Variants in LARS1 observed in about 807,000 individuals in gnomAD.
LARS1 encodes leucine--tRNA ligase, cytoplasmic.
Under a neutral mutation model 162.8 loss-of-function variants are expected in LARS1, and 100 were observed. The observed-to-expected ratio is 0.61, with a 90% CI of 0.52 to 0.73. LARS1 has a LOEUF of 0.73. Among genes scored for constraint, LARS1 ranks in the 30% least tolerant of loss-of-function variants. The pLI, the probability that LARS1 is intolerant of heterozygous loss-of-function variation, is 0.00. For synonymous variants in LARS1, 457 were observed against 462.8 expected, an observed-to-expected ratio of 0.99 and a Z score of 0.16; for missense variants, 1,258 against 1,408.9, an observed-to-expected ratio of 0.89 and a Z score of 1.71.
intron 7 of LARS1, among the ~76,000 whole-genome samples, chr5:146,159,949 T>C (rs1402285766): frequency 1.3e-5 from 2 of 152,038 alleles, no homozygotes; most frequent in Admixed American, 6.6e-5. Context: ...TTTAGTAAGA[T>C]AATAAAAGCC....
rs764709038 is a variant in LARS1, at chr5:146,168,113, C to G, written c.432+15G>C. ...ATAAAACTTCAACCAACATAAATATCAACCACTATCAAACCTTTTTTCCTT... is the reference window on the plus strand; with the variant it reads ...ATAAAACTTCAACCAACATAAATATGAACCACTATCAAACCTTTTTTCCTT... On this transcript the variant is annotated intron_variant, in intron 5 of 31. Transcript: ENST00000394434. 2 of 1,580,762 alleles carry G rather than the reference C, an allele frequency of 1.3e-6. No individual in the cohort carries two copies. Among genetic ancestry groups the G allele is most frequent in the Non-Finnish European group, 1.7e-6 (2 of 1,158,162 alleles).
chr5:146,113,836 G>GA lies in LARS1; in HGVS notation c.*269dup. 1 of 399,174 alleles carries GA rather than the reference G, an allele frequency of 2.5e-6. No individual in the cohort carries two copies. The highest frequency in any genetic ancestry group is 4.5e-6 in the Non-Finnish European group (1 of 220,452). 24.7% of individuals were successfully genotyped at this position (399,174 alleles called of 1,614,324 possible). Reference sequence around the variant, plus strand: ...ACTTTTATGTTCATCTTAAAAACCAGAAACTTCTAGGAAATAGCAACAATT... The same window carrying GA: ...ACTTTTATGTTCATCTTAAAAACCAGAAAACTTCTAGGAAATAGCAACAATT... On this transcript the variant is annotated 3_prime_UTR_variant, in exon 32 of 32. Transcript: ENST00000394434.
rs1764069087 is a variant in LARS1, at chr5:146,113,553, G to C, written c.*553C>G. ...AGTTGAATAATTAAAGCTTTAAAAA[G>C]TCTTATAAAATGCAGGACCTATTTG... On this transcript the variant is annotated 3_prime_UTR_variant, in exon 32 of 32. Transcript: ENST00000394434. 1 of 152,256 alleles carries C rather than the reference G, an allele frequency of 6.6e-6. No homozygotes were observed. The highest frequency in any genetic ancestry group is 1.5e-5 in the Non-Finnish European group (1 of 68,238). The allele number at this position is 152,256 out of a possible 1,614,324, so 9.4% of individuals were successfully genotyped here. A position where few individuals can be genotyped will look rare whatever the true frequency, so the allele number is the denominator to read the frequency against.
At chr5:146,160,166 C>T (rs1753714546) in intron 7 of LARS1, among the ~76,000 whole-genome samples, 2 of 151,976 alleles carry the variant, frequency 1.3e-5, no homozygotes, top group African/African-American at 4.8e-5. Context: ...TCTCAAGTAG[C>T]TAGGACTACA....
intron 2 of LARS1, among the ~76,000 whole-genome samples, chr5:146,174,602 A>C (rs375029415): frequency 5.8e-5 from 4 of 68,454 alleles, no homozygotes; most frequent in East Asian, 4.4e-4. Flanking sequence ...ATATATATAT[A>C]TATATCCATT....
Position 146,120,557 on chromosome 5 carries a change from G to C in LARS1, c.3193-54C>G, listed in dbSNP as rs543192180. On this transcript the variant is annotated intron_variant, in intron 30 of 31. Transcript: ENST00000394434. The stretch of plus-strand genomic sequence containing the variant: ...TAACTTGAATACTGCTGAGGGAGGA[G>C]GAATCTCTGCTACGTTTTCAATGCC... 27 of 1,552,924 alleles carry C rather than the reference G, an allele frequency of 1.7e-5. No individual in the cohort carries two copies. The Admixed American group carries it at 4.3e-4, about 25-fold the overall frequency.
intron 5 of LARS1, among the ~76,000 whole-genome samples, chr5:146,167,024 C>T (rs933760637): frequency 2.0e-5 from 3 of 152,126 alleles, no homozygotes; most frequent in Admixed American, 1.3e-4. Context: ...CTCAATCTAA[C>T]GATGAGAAAG....
intron 15 of LARS1, among the ~76,000 whole-genome samples, chr5:146,148,151 A>G (rs984886461): frequency 3.9e-5 from 6 of 152,256 alleles, no homozygotes; most frequent in African/African-American, 1.4e-4. Context: ...TTCTCAGAAA[A>G]GCTATCAGAG....
At chr5:146,168,474 G>A (rs1040003407) in intron 4 of LARS1, among the ~76,000 whole-genome samples, 1 of 152,168 alleles carries the variant, frequency 6.6e-6, no homozygotes, top group Admixed American at 6.6e-5. Flanking sequence ...GAGGCAGGCA[G>A]ATCACTTGTC....
At chr5:146,169,732 A>T (rs1252862081) in intron 4 of LARS1, among the ~76,000 whole-genome samples, 1 of 151,954 alleles carries the variant, frequency 6.6e-6, no homozygotes, top group East Asian at 1.9e-4. Flanking sequence ...TATTTTTAGT[A>T]GAGATGGGGT....
At chr5:146,149,984 T>C (rs1753203058) in intron 14 of LARS1, among the ~76,000 whole-genome samples, 1 of 152,180 alleles carries the variant, frequency 6.6e-6, no homozygotes, top group South Asian at 2.1e-4. Flanking sequence ...ACTTCTTAAG[T>C]TTCCACATAG....
chr5:146,157,354 T>C (rs1338524194), intron 10 of LARS1, 49 bp downstream of exon 10: 1 of 1,498,194 alleles, frequency 6.7e-7, no homozygotes, highest in Non-Finnish European at 9.3e-7. Context: ...TTGTTGAAAT[T>C]TTCCTTGAAA....
chr5:146,169,812 G>C (rs1754180265), intron 4 of LARS1, among the ~76,000 whole-genome samples: 1 of 152,142 alleles, frequency 6.6e-6, no homozygotes, highest in African/African-American at 2.4e-5. Flanking sequence ...GCCTCCCAAA[G>C]TGCTGGGATT....
intron 28 of LARS1, among the ~76,000 whole-genome samples, 197 bp downstream of exon 28, chr5:146,126,238 A>G (rs1752036209): frequency 6.6e-6 from 1 of 152,038 alleles, no homozygotes; most frequent in African/African-American, 2.4e-5. Context: ...TTCTCCCACA[A>G]TAATATTTTT....
intron 23 of LARS1, chr5:146,132,446 C>T (rs1303663701): frequency 1.3e-5 from 2 of 154,210 alleles, no homozygotes; most frequent in Non-Finnish European, 2.9e-5. Context: ...AATACCAGTG[C>T]GTAGGATGAC....
At chr5:146,148,069 G>A (rs1205359716) in intron 15 of LARS1, among the ~76,000 whole-genome samples, 7 of 152,090 alleles carry the variant, frequency 4.6e-5, no homozygotes, top group Non-Finnish European at 5.9e-5. Context: ...CTATACTCAG[G>A]CAATCCAATA....
chr5:146,120,571 G>A (rs1751777426), intron 30 of LARS1, 68 bp from the exon 31 acceptor site: 6 of 1,446,488 alleles, frequency 4.1e-6, no homozygotes, highest in South Asian at 3.7e-5. Context: ...TCTCTGCTAC[G>A]TTTTCAATGC....
In LARS1 at chr5:146,130,068, CGAG is replaced by C. The variant is rs1461426516; in HGVS notation, c.2575_2577del (p.Leu859del). The stretch of plus-strand genomic sequence containing the variant: ...TCACACAAATGTGGACAGAATGGAG[CGAG>C]GAGAAGTGTCTGAACTTCAATAAAC... On this transcript the variant is annotated inframe_deletion, in exon 25 of 32. Transcript: ENST00000394434. The C allele has an allele frequency of 7.4e-6, 12 of 1,613,948 alleles. No homozygotes were observed. Among genetic ancestry groups the C allele is most frequent in the Non-Finnish European group, 1.0e-5 (12 of 1,179,866 alleles).
intron 28 of LARS1, among the ~76,000 whole-genome samples, chr5:146,125,027 A>ACACACT (rs1394860772): frequency 6.6e-6 from 1 of 151,432 alleles, no homozygotes; most frequent in South Asian, 2.1e-4. Context: ...GCACACACAC[A>ACACACT]CTCTATATAT....
Sources: gnomAD v4.1 joint callset for allele counts (sites outside exome capture counted in the v4.1 genomes callset) on GRCh38, gnomAD v4.1.1 for gene constraint, MANE v1.5 for transcripts, NCBI Gene and HGNC (gene_info 2026-07-23, HGNC 2026-07-21) for gene names.